MICAL2: variants seen among roughly 807,000 people sequenced by gnomAD.
MICAL2 encodes microtubule associated monooxygenase, calponin and LIM domain containing 2.
Under a neutral mutation model 127.3 loss-of-function variants are expected in MICAL2, and 77 were observed. The observed-to-expected ratio is 0.60, with a 90% CI of 0.50 to 0.73. MICAL2 has a LOEUF of 0.73. Among genes scored for constraint, MICAL2 ranks in the 30% least tolerant of loss-of-function variants. The pLI is 0.00. For synonymous variants in MICAL2, 570 were observed against 551.1 expected (o/e 1.03, Z -0.48); for missense variants, 1,351 against 1,434.4 (o/e 0.94, Z 0.94).
intron 22 of MICAL2, 29 bp downstream of exon 22, chr11:12,249,275 T>G (rs1861213173): frequency 7.7e-7 from 1 of 1,297,252 alleles, no homozygotes; most frequent in Non-Finnish European, 1.1e-6. Flanking sequence ...GAACTTCAGC[T>G]GCCTCACCTG....
chr11:12,234,785 G>T (rs1858795906), intron 15 of MICAL2, among the ~76,000 whole-genome samples: 1 of 152,188 alleles, frequency 6.6e-6, no homozygotes, highest in African/African-American at 2.4e-5. Flanking sequence ...TGCGTACTGG[G>T]TTGTGTGTTG....
downstream of MICAL2, among the ~76,000 whole-genome samples, chr11:12,296,514 C>A (rs1422505086): frequency 6.7e-6 from 1 of 148,330 alleles, no homozygotes; most frequent in Admixed American, 6.6e-5. Flanking sequence ...AAATGCATAA[C>A]ACATTAAATT....
chr11:12,282,946 A>G (rs1306143805), intron 2 of MICAL2, among the ~76,000 whole-genome samples: 2 of 152,132 alleles, frequency 1.3e-5, no homozygotes, highest in Non-Finnish European at 1.5e-5. Context: ...GTGTTGGGAG[A>G]CTAGTTGGGT....
chr11:12,129,418 G>A (rs1304191117), intron 1 of MICAL2, among the ~76,000 whole-genome samples: 4 of 152,174 alleles, frequency 2.6e-5, no homozygotes, highest in Non-Finnish European at 4.4e-5. Flanking sequence ...AGGCTCTGCA[G>A]GGTTGAATAA....
intron 24 of MICAL2, 63 bp downstream of exon 24, chr11:12,257,034 G>A (rs567638157): frequency 1.0e-4 from 158 of 1,507,752 alleles, no homozygotes; most frequent in Non-Finnish European, 1.3e-4. Context: ...ACCTTGGCTC[G>A]GGTTCCTGTC....
chr11:12,345,103 C>G (rs10831795), intron 32 of MICAL2, among the ~76,000 whole-genome samples: 1 of 142,278 alleles, frequency 7.0e-6, no homozygotes, highest in African/African-American at 2.8e-5. Context: ...CAGAGCGAGA[C>G]GAGAATCCAT....
intron 29 of MICAL2, among the ~76,000 whole-genome samples, chr11:12,306,912 A>G (rs992135065): frequency 1.3e-5 from 2 of 152,240 alleles, no homozygotes; most frequent in Non-Finnish European, 2.9e-5. Context: ...TAAAGCTTCT[A>G]TGAACATTAA....
At chr11:12,207,970 A>G in intron 4 of MICAL2, 53 bp from the exon 5 acceptor site, 2 of 1,315,200 alleles carry the variant, frequency 1.5e-6, no homozygotes, top group Non-Finnish European at 2.2e-6. Context: ...TTCTGCATAT[A>G]GGTGGTGTTC....
downstream of MICAL2, chr11:12,294,954 T>C: frequency 7.4e-7 from 1 of 1,359,354 alleles, no homozygotes; most frequent in Non-Finnish European, 9.4e-7. Context: ...TTCGTTTTGC[T>C]TCTCAAATAC....
At chr11:12,230,815 T>C (rs1374300546) in intron 15 of MICAL2, among the ~76,000 whole-genome samples, 1 of 152,198 alleles carries the variant, frequency 6.6e-6, no homozygotes, top group Non-Finnish European at 1.5e-5. Flanking sequence ...CTCATTTACT[T>C]TTAAAGAGAG....
intron 22 of MICAL2, chr11:12,252,858 G>A (rs1177339275): frequency 6.6e-6 from 1 of 152,194 alleles, no homozygotes; most frequent in Non-Finnish European, 1.5e-5. Flanking sequence ...TATTTGGTGT[G>A]GTGATGGATA....
At chr11:12,208,354 A>G in intron 5 of MICAL2, 1 of 479,584 alleles carries the variant, frequency 2.1e-6, no homozygotes, top group Non-Finnish European at 3.7e-6. Context: ...AAGCCATTAA[A>G]CCTGTAATTT....
intron 3 of MICAL2, among the ~76,000 whole-genome samples, chr11:12,203,867 A>T (rs1043936822): frequency 6.6e-6 from 1 of 152,210 alleles, no homozygotes; most frequent in Non-Finnish European, 1.5e-5. Context: ...TATGCTTTTT[A>T]AAAGTGATCT....
chr11:12,174,620 A>G (rs551340304), intron 3 of MICAL2, among the ~76,000 whole-genome samples: 5 of 151,896 alleles, frequency 3.3e-5, no homozygotes, highest in African/African-American at 1.2e-4. Flanking sequence ...CTTTTTGGCT[A>G]AGATGAATAA....
chr11:12,288,888 G>A (rs1167498391), downstream of MICAL2, among the ~76,000 whole-genome samples: 2 of 152,190 alleles, frequency 1.3e-5, no homozygotes, highest in Non-Finnish European at 1.5e-5. Flanking sequence ...TGAAAGCCAC[G>A]AGAGCCATCT....
At chr11:12,231,230 TG>T (rs1294732845) in intron 15 of MICAL2, among the ~76,000 whole-genome samples, 1 of 152,232 alleles carries the variant, frequency 6.6e-6, no homozygotes. Flanking sequence ...CACCAATTTT[TG>T]TCCCATTCTG....
intron 2 of MICAL2, among the ~76,000 whole-genome samples, chr11:12,143,350 GAGGGGA>G (rs1852537859): frequency 6.6e-6 from 1 of 152,200 alleles, no homozygotes; most frequent in Admixed American, 6.5e-5. Context: ...AGTGGGAGAG[GAGGGGA>G]GTTCAGAAGT....
chr11:12,133,101 T>G (rs1851554658), intron 1 of MICAL2, among the ~76,000 whole-genome samples: 1 of 152,198 alleles, frequency 6.6e-6, no homozygotes, highest in South Asian at 2.1e-4. Context: ...TTATTTTATT[T>G]TTGAGAGTCT....
intron 3 of MICAL2, among the ~76,000 whole-genome samples, chr11:12,189,098 C>T (rs1484403060): frequency 5.9e-5 from 9 of 152,194 alleles, no homozygotes; most frequent in Admixed American, 3.9e-4. Flanking sequence ...AGTTTCACTT[C>T]TTCCTTCTAC....
Sources: gnomAD v4.1 joint callset for allele counts (sites outside exome capture counted in the v4.1 genomes callset) on GRCh38, gnomAD v4.1.1 for gene constraint, MANE v1.5 for transcripts, NCBI Gene and HGNC (gene_info 2026-07-23, HGNC 2026-07-21) for gene names.